PRR5: variants seen among roughly 807,000 people sequenced by gnomAD.
PRR5 encodes proline-rich protein 5.
In PRR5, 25 loss-of-function variants were observed where a neutral mutation model predicts 30.6. That is an observed-to-expected ratio of 0.82 (90% CI 0.60 to 1.14). The LOEUF is 1.14. Ranked by LOEUF, PRR5 falls within the 50% of genes most tolerant of loss-of-function variation. The pLI is 0.00. For synonymous variants in PRR5, 286 were observed against 247.1 expected (o/e 1.16, Z -1.48); for missense variants, 600 against 547.1 (o/e 1.10, Z -0.96).
intron 1 of PRR5, among the ~76,000 whole-genome samples, chr22:44,710,628 C>T (rs1324926876): frequency 1.5e-5 from 2 of 133,170 alleles, no homozygotes; most frequent in East Asian, 4.3e-4. Context: ...TGGCCCGCAG[C>T]GAGGCTTTCT....
At chr22:44,672,915 T>C (rs901896123), upstream of PRR5, among the ~76,000 whole-genome samples, 6 of 152,192 alleles carry the variant, frequency 3.9e-5, no homozygotes, top group Non-Finnish European at 7.3e-5. Flanking sequence ...TGGGTCTGCA[T>C]GCTCCACCCC....
At chr22:44,706,018 T>C (rs1434160944) in intron 1 of PRR5, among the ~76,000 whole-genome samples, 1 of 152,162 alleles carries the variant, frequency 6.6e-6, no homozygotes, top group Non-Finnish European at 1.5e-5. Context: ...CAGGCTACTC[T>C]CAAACTCCTG....
chr22:44,730,539 C>G (rs1244304158), intron 4 of PRR5: 1 of 988,834 alleles, frequency 1.0e-6, no homozygotes, highest in Non-Finnish European at 1.2e-6. Context: ...TGCATGGCAC[C>G]GTTCCTCTCA....
At chr22:44,706,590 C>A (rs2147031871) in intron 1 of PRR5, among the ~76,000 whole-genome samples, 1 of 152,302 alleles carries the variant, frequency 6.6e-6, no homozygotes, top group Admixed American at 6.5e-5. Flanking sequence ...AGTACAGTGG[C>A]ACAATCATGG....
At chr22:44,682,515 C>T (rs562193983) in intron 1 of PRR5, among the ~76,000 whole-genome samples, 2 of 152,284 alleles carry the variant, frequency 1.3e-5, no homozygotes, top group East Asian at 1.9e-4. Context: ...AGACCCCCTG[C>T]GCCTCACACT....
intron 1 of PRR5, chr22:44,679,843 G>C: frequency 6.3e-7 from 1 of 1,599,228 alleles, no homozygotes; most frequent in Non-Finnish European, 8.5e-7. Context: ...TGGGGCTCGG[G>C]AAGCCCGGAA....
chr22:44,697,683 G>A (rs1030246355), upstream of PRR5, among the ~76,000 whole-genome samples: 1 of 152,244 alleles, frequency 6.6e-6, no homozygotes, highest in South Asian at 2.1e-4. Flanking sequence ...GTGCCCCGGG[G>A]AGAGTGGGCG....
At position 44,732,239 on chromosome 22, in the gene PRR5, T is replaced by C. The variant is rs746047247; in HGVS notation, c.415-12T>C. The C allele has an allele frequency of 6.2e-7, 1 of 1,609,752 alleles. No individual in the cohort carries two copies. The highest frequency in any genetic ancestry group is 1.3e-5 in the African/African-American group (1 of 74,844). ...ACCACAGCCGGTGGGGTGGGGTGCC[T>C]TCCGTCCACAGGGCAAGGAGCCATC... On this transcript the variant is annotated splice_polypyrimidine_tract_variant and intron_variant, in intron 5 of 7. Transcript: ENST00000336985.
At chr22:44,734,908 G>A (rs2147187648) in intron 6 of PRR5, 119 bp from the exon 7 acceptor site, 1 of 1,364,418 alleles carries the variant, frequency 7.3e-7, no homozygotes, top group East Asian at 2.3e-5. Context: ...AGAGCCTGTG[G>A]GAATGGGGAG....
intron 1 of PRR5, among the ~76,000 whole-genome samples, chr22:44,678,387 A>G (rs1370392301): frequency 6.7e-6 from 1 of 148,822 alleles, no homozygotes; most frequent in African/African-American, 2.5e-5. Context: ...CGATGGCGCA[A>G]TCTCGGCTCA....
At chr22:44,735,800 T>C (rs1184116074) in intron 7 of PRR5, among the ~76,000 whole-genome samples, 1 of 152,196 alleles carries the variant, frequency 6.6e-6, no homozygotes, top group African/African-American at 2.4e-5. Context: ...AAGGCCCGCT[T>C]GGGACTATGC....
upstream of PRR5, among the ~76,000 whole-genome samples, chr22:44,698,840 G>A (rs1296323728): frequency 2.6e-5 from 4 of 152,320 alleles, no homozygotes; most frequent in Admixed American, 6.5e-5. Context: ...GCTAGACTCC[G>A]CCCTTTGTCC....
chr22:44,680,730 C>T (rs959184615), intron 1 of PRR5, among the ~76,000 whole-genome samples: 3 of 150,154 alleles, frequency 2.0e-5, no homozygotes, highest in Non-Finnish European at 3.0e-5. Flanking sequence ...CCTGAGACCC[C>T]CCCACACACA....
intron 2 of PRR5, among the ~76,000 whole-genome samples, chr22:44,722,178 T>A (rs985629590): frequency 6.6e-6 from 1 of 152,204 alleles, no homozygotes; most frequent in African/African-American, 2.4e-5. Flanking sequence ...AGGTTGGGCC[T>A]CAACGCCAGT....
chr22:44,731,233 T>TATCATTA, intron 4 of PRR5: 1 of 222,612 alleles, frequency 4.5e-6, no homozygotes, highest in Non-Finnish European at 9.1e-6. Context: ...TGTACCTGTG[T>TATCATTA]GGGTCTTACC....
intron 6 of PRR5, among the ~76,000 whole-genome samples, chr22:44,732,905 A>G (rs1407979713): frequency 6.9e-6 from 1 of 144,362 alleles, no homozygotes; most frequent in Non-Finnish European, 1.5e-5. Context: ...GTGCACACGC[A>G]TACACACTAC....
Position 44,731,719 on chromosome 22 carries a change from C to CAT in PRR5, c.323-10_323-9dup. 6.2e-7 allele frequency: 1 copy of CAT among 1,613,606 alleles called. No individual in the cohort carries two copies. Among genetic ancestry groups the CAT allele is most frequent in the South Asian group, 1.1e-5 (1 of 91,088 alleles). On this transcript the variant is annotated splice_polypyrimidine_tract_variant and intron_variant, in intron 4 of 7. Coordinates refer to ENST00000336985, the MANE Select transcript of PRR5 (RefSeq NM_181333.4). The stretch of plus-strand genomic sequence containing the variant: ...AGTCAGGCCCAGTGGTGATGGCCCC[C>CAT]ATGCCCACAGGACAGAAGCTGCTGG...
chr22:44,673,547 G>A (rs556156981), upstream of PRR5, among the ~76,000 whole-genome samples: 2 of 152,292 alleles, frequency 1.3e-5, no homozygotes, highest in African/African-American at 4.8e-5. Context: ...TCACCCACTG[G>A]TGAGGCATTT....
At chr22:44,713,787 T>C (rs1035310135) in intron 1 of PRR5, among the ~76,000 whole-genome samples, 1 of 152,228 alleles carries the variant, frequency 6.6e-6, no homozygotes, top group Non-Finnish European at 1.5e-5. Context: ...AGCTCCTGCC[T>C]CAGAGAGTTT....
Sources: allele counts gnomAD v4.1 joint callset (sites outside exome capture counted in the v4.1 genomes callset), GRCh38; gene constraint gnomAD v4.1.1; transcripts MANE v1.5; gene names NCBI Gene and HGNC (gene_info 2026-07-23, HGNC 2026-07-21).